The following JPH2 variants were observed in gnomAD, a reference collection of about 807,000 sequenced individuals.
JPH2 encodes the protein junctophilin 2.
Under a neutral mutation model 55.9 loss-of-function variants are expected in JPH2, and 38 were observed. The observed-to-expected ratio is 0.68, with a 90% CI of 0.52 to 0.89. The LOEUF is 0.89. JPH2 is among the 40% of genes least tolerant of loss of function. JPH2 has a pLI of 0.00. For missense variants in JPH2, 964 were observed against 1,037.6 expected, an observed-to-expected ratio of 0.93 and a Z score of 0.97; for synonymous variants, 480 against 472.4, an observed-to-expected ratio of 1.02 and a Z score of -0.21.
At chr20:44,152,883 TG>T (rs1453431458) in intron 2 of JPH2, among the ~76,000 whole-genome samples, 1 of 152,268 alleles carries the variant, frequency 6.6e-6, no homozygotes, top group African/African-American at 2.4e-5. Flanking sequence ...TCAGTGCCTT[TG>T]GGCATCAATA....
intron 2 of JPH2, among the ~76,000 whole-genome samples, chr20:44,141,212 A>G (rs1180851476): frequency 6.6e-6 from 1 of 152,176 alleles, no homozygotes; most frequent in African/African-American, 2.4e-5. Context: ...CAGGGAAGCA[A>G]CGCATCCGGC....
At chr20:44,144,854 C>T (rs1320779458) in intron 2 of JPH2, among the ~76,000 whole-genome samples, 1 of 152,174 alleles carries the variant, frequency 6.6e-6, no homozygotes, top group Non-Finnish European at 1.5e-5. Context: ...GAAGGGGGCA[C>T]TCAGAGATGC....
Position 44,132,399 on chromosome 20 carries a change from C to CACACACACACACACACAG in JPH2, c.1170-13777_1170-13776insCTGTGTGTGTGTGTGTGT, listed in dbSNP as rs71195518. Among the ~76,000 whole-genome samples, 541 of 130,472 alleles carry CACACACACACACACACAG rather than the reference C, an allele frequency of 4.1e-3. 7 individuals carry two copies. Among genetic ancestry groups the CACACACACACACACACAG allele is most frequent in the East Asian group, 0.011 (46 of 4,084 alleles). The allele number at this position is 130,472 out of a possible 152,430, so 85.6% of individuals were successfully genotyped here. ...ACACACACACACACACACACACACA[C>CACACACACACACACACAG]ACATTTGGGCTGGTTATTTTCCTTT... On this transcript the variant is annotated intron_variant, in intron 2 of 5. Coordinates refer to ENST00000372980, the MANE Select transcript of JPH2 (RefSeq NM_020433.5).
chr20:44,119,731 G>A (rs1286476729), intron 2 of JPH2, among the ~76,000 whole-genome samples: 9 of 151,992 alleles, frequency 5.9e-5, no homozygotes, highest in Non-Finnish European at 1.0e-4. Context: ...AAAATTAGCC[G>A]GGCATGGTGG....
intron 1 of JPH2, among the ~76,000 whole-genome samples, chr20:44,179,496 T>A (rs1273623183): frequency 6.6e-6 from 1 of 152,240 alleles, no homozygotes; most frequent in East Asian, 1.9e-4. Flanking sequence ...TGGTACATAG[T>A]AAAGGCATAT....
At chr20:44,135,635 C>A (rs1254356715) in intron 2 of JPH2, among the ~76,000 whole-genome samples, 2 of 152,216 alleles carry the variant, frequency 1.3e-5, no homozygotes, top group Non-Finnish European at 2.9e-5. Flanking sequence ...TGTCACCAGA[C>A]AGAGGCTGGC....
In JPH2 at chr20:44,107,972, C is replaced by T. The variant is rs1305895634; in HGVS notation, c.*5546G>A. 6.6e-6 allele frequency among the ~76,000 whole-genome samples: 1 copy of T among 152,222 alleles called. No homozygotes were observed. The highest frequency in any genetic ancestry group is 2.4e-5 in the African/African-American group (1 of 41,462). ...CTAACCAGATGGCTTATAGTGAGTG[C>T]TGGCCATGCCAGAAAAATCAACCAC... is the stretch of plus-strand genomic sequence containing the variant. On this transcript the variant is annotated 3_prime_UTR_variant, in exon 6 of 6. Coordinates refer to ENST00000372980, the MANE Select transcript of JPH2 (RefSeq NM_020433.5).
At chr20:44,150,762 A>G (rs2072525344) in intron 2 of JPH2, among the ~76,000 whole-genome samples, 1 of 152,244 alleles carries the variant, frequency 6.6e-6, no homozygotes, top group Non-Finnish European at 1.5e-5. Flanking sequence ...GTGGTGGCTC[A>G]TGCCTGTAAT....
intron 2 of JPH2, among the ~76,000 whole-genome samples, chr20:44,136,975 CATATAGT>C (rs1482989537): frequency 1.3e-5 from 2 of 152,200 alleles, no homozygotes; most frequent in Admixed American, 6.5e-5. Context: ...TCTGAATGTG[CATATAGT>C]ATATAGTATA....
intron 2 of JPH2, among the ~76,000 whole-genome samples, chr20:44,153,406 G>T (rs1233915988): frequency 6.6e-6 from 1 of 152,206 alleles, no homozygotes; most frequent in Admixed American, 6.5e-5. Context: ...TTCAAACCTA[G>T]GTCCATCCAA....
At position 44,110,416 on chromosome 20, in the gene JPH2, G is replaced by T; in HGVS notation, c.*3102C>A. Among the ~76,000 whole-genome samples, 1 of 130,398 alleles carries T rather than the reference G, an allele frequency of 7.7e-6. No homozygotes were observed. Among genetic ancestry groups the T allele is most frequent in the Non-Finnish European group, 1.6e-5 (1 of 63,204 alleles). The allele number at this position is 130,398 out of a possible 152,430, so 85.5% of individuals were successfully genotyped here. A position where few individuals can be genotyped will look rare whatever the true frequency, so the allele number is the denominator to read the frequency against. ...AATCCCAGCATCATTCCAGAGTTTT[G>T]AAAACTTTTGTGTTTTTTTTTTTTT... On this transcript the variant is annotated 3_prime_UTR_variant, in exon 6 of 6. Transcript: ENST00000372980.
chr20:44,160,288 G>T lies in JPH2; in HGVS notation c.499C>A (p.Arg167Ser). Reference sequence around the variant, plus strand: ...ACCGTGCCGTTGCTGTGCTCGCTGCGCAGGGACGACAGCGACGTGCGCAGC... The same window carrying T: ...ACCGTGCCGTTGCTGTGCTCGCTGCTCAGGGACGACAGCGACGTGCGCAGC... ...SPLRTSLSSL[R>S]SEHSNGTVAP... is the part of the protein sequence containing the mutation. Residue 167 changes from arginine to serine, a missense_variant, in exon 2 of 6, where the codon CGC becomes AGC. Physicochemically the swap from Arg to Ser is moderately radical, Grantham distance 110. Coordinates refer to ENST00000372980, the MANE Select transcript of JPH2 (RefSeq NM_020433.5). The surrounding 1 kb of genome is among the most constrained non-coding windows in gnomAD (Gnocchi z 4.9). 5.8e-6 allele frequency: 9 copies of T among 1,539,992 alleles called. No homozygotes were observed. The highest frequency in any genetic ancestry group is 1.2e-5 in the South Asian group (1 of 83,994).
intron 1 of JPH2, among the ~76,000 whole-genome samples, chr20:44,163,821 G>T (rs189763971): frequency 1.3e-5 from 2 of 152,156 alleles, no homozygotes; most frequent in Non-Finnish European, 2.9e-5. Flanking sequence ...GTTGGAAAAG[G>T]TCCCTAGTGC....
At position 44,115,850 on chromosome 20, in the gene JPH2, G is replaced by A; in HGVS notation, c.1825C>T (p.Leu609Phe). ...PATAPLQAPT[L>F]RGPEPARETP... ...TCGCGTGCAGGCTCGGGGCCTCGGAGCGTGGGGGCCTGCAGCGGGGCGGTG... is the reference window on the plus strand; with the variant it reads ...TCGCGTGCAGGCTCGGGGCCTCGGAACGTGGGGGCCTGCAGCGGGGCGGTG... The change falls in exon 4 of 6, where the codon CTC (leucine) becomes TTC (phenylalanine). Residue 609 changes from leucine (L) to phenylalanine (F), a missense_variant. Leu to Phe is a conservative substitution (Grantham distance 22). Coordinates refer to ENST00000372980, the MANE Select transcript of JPH2 (RefSeq NM_020433.5). 1 of 1,593,176 alleles carries A rather than the reference G, an allele frequency of 6.3e-7. No homozygotes were observed. The highest frequency in any genetic ancestry group is 8.5e-7 in the Non-Finnish European group (1 of 1,175,138).
At position 44,115,683 on chromosome 20, in the gene JPH2, C is replaced by A. The variant is rs781384540; in HGVS notation, c.1992G>T (p.Ala664=). The part of the protein sequence containing the change: ...ARKEAALAAE[A]EVEVEEVPNT... ...GCCTCACCTCTTCCACCTCCACCTC[C>A]GCCTCTGCCGCCAGTGCGGCCTCCT... The change falls in exon 4 of 6, where the codon GCG becomes GCT. Residue 664 remains alanine, a synonymous_variant. Transcript: ENST00000372980. 38 of 1,612,794 alleles carry A rather than the reference C, an allele frequency of 2.4e-5. No individual in the cohort carries two copies. The highest frequency in any genetic ancestry group is 8.5e-7 in the Non-Finnish European group (1 of 1,180,026).
At chr20:44,138,003 A>C (rs2072426949) in intron 2 of JPH2, among the ~76,000 whole-genome samples, 1 of 151,694 alleles carries the variant, frequency 6.6e-6, no homozygotes, top group Non-Finnish European at 1.5e-5. Context: ...AAAAATTTAA[A>C]AAGACCTTTT....
intron 1 of JPH2, among the ~76,000 whole-genome samples, chr20:44,171,135 AG>A (rs1348402590): frequency 6.6e-6 from 1 of 152,198 alleles, no homozygotes; most frequent in African/African-American, 2.4e-5. Context: ...CAGGATCCCT[AG>A]GGAAAAGATT....
intron 2 of JPH2, among the ~76,000 whole-genome samples, chr20:44,134,662 A>ATATTTAT (rs1240603902): frequency 6.9e-5 from 2 of 29,118 alleles, no homozygotes; most frequent in African/African-American, 3.1e-4. Context: ...TTATAAATAT[A>ATATTTAT]TATAAATATA....
chr20:44,184,122 A>C (rs1227103938), intron 1 of JPH2, among the ~76,000 whole-genome samples: 3 of 152,186 alleles, frequency 2.0e-5, no homozygotes, highest in Non-Finnish European at 4.4e-5. Context: ...GTGCCACTGC[A>C]CTCCAGCCTG....
Sources: allele counts gnomAD v4.1 joint callset (sites outside exome capture counted in the v4.1 genomes callset), GRCh38; gene constraint gnomAD v4.1.1; non-coding constraint Gnocchi (gnomAD v3.1); transcripts MANE v1.5; gene names NCBI Gene and HGNC (gene_info 2026-07-23, HGNC 2026-07-21).